AAK1: variants seen among roughly 807,000 people sequenced by gnomAD.
AAK1 encodes the protein AP2-associated protein kinase 1.
AAK1 carries 37 observed loss-of-function variants against 116.0 expected under a neutral mutation model. The observed-to-expected ratio is 0.32, with a 90% CI of 0.25 to 0.42. AAK1 has a LOEUF of 0.42. Among genes scored for constraint, AAK1 ranks in the 10% least tolerant of loss-of-function variants. The pLI is 1.00. For missense variants in AAK1, 919 were observed against 1,170.6 expected (o/e 0.79, Z 3.14); for synonymous variants, 458 against 439.9 (o/e 1.04, Z -0.51).
At chr2:69,566,734 T>G (rs1671886123) in intron 2 of AAK1, among the ~76,000 whole-genome samples, 1 of 152,090 alleles carries the variant, frequency 6.6e-6, no homozygotes, top group South Asian at 2.1e-4. Context: ...CCAGGAAAAA[T>G]ACTTGCCTGG....
rs1675825011 is a variant in AAK1 at position 69,643,181 on chromosome 2, G to A, written c.-141C>T. The A allele has an allele frequency of 8.4e-6, 12 of 1,434,182 alleles. No homozygotes were observed. The South Asian group carries it at 1.7e-4, about 20-fold the overall frequency. 88.8% of individuals were successfully genotyped at this position (1,434,182 alleles called of 1,614,324 possible). On this transcript the variant is annotated 5_prime_UTR_variant, in exon 2 of 22. Transcript: ENST00000409085. Reference sequence around the variant, plus strand: ...GAGCCACCCGAATCCGGCCGTGGGGGTGGGGGCTGAGGGAGGATGCCTATA... The same window carrying A: ...GAGCCACCCGAATCCGGCCGTGGGGATGGGGGCTGAGGGAGGATGCCTATA...
At chr2:69,633,037 A>T (rs1573028342) in intron 2 of AAK1, among the ~76,000 whole-genome samples, 2 of 150,564 alleles carry the variant, frequency 1.3e-5, no homozygotes, top group East Asian at 3.9e-4. Flanking sequence ...CGTCTCAATA[A>T]AAAAAATAAA....
intron 5 of AAK1, among the ~76,000 whole-genome samples, chr2:69,542,184 C>T (rs1269667715): frequency 2.6e-5 from 4 of 152,080 alleles, no homozygotes; most frequent in Non-Finnish European, 4.4e-5. Context: ...TGAAATAAGA[C>T]TTTAAAAACC....
rs1674550578 is a variant in AAK1, at chr2:69,468,155, T to C, written c.*7714A>G. 1.0e-6 allele frequency: 1 copy of C among 985,374 alleles called. No homozygotes were observed. Among genetic ancestry groups the C allele is most frequent in the African/African-American group, 1.7e-5 (1 of 57,374 alleles). 61.0% of individuals were successfully genotyped at this position (985,374 alleles called of 1,614,324 possible). Reference sequence around the variant, plus strand: ...TTTTCCTTGTATTATAATTTTAGTATGTGCAGCTACATGGTGATACGAAAG... The same window carrying C: ...TTTTCCTTGTATTATAATTTTAGTACGTGCAGCTACATGGTGATACGAAAG... On this transcript the variant is annotated 3_prime_UTR_variant, in exon 22 of 22. Transcript: ENST00000409085.
At chr2:69,605,665 C>T (rs1194438690) in intron 2 of AAK1, among the ~76,000 whole-genome samples, 2 of 152,172 alleles carry the variant, frequency 1.3e-5, no homozygotes, top group South Asian at 2.1e-4. Flanking sequence ...TTTACATGCA[C>T]TCATATGTAT....
Position 69,470,109 on chromosome 2 carries a change from G to A in AAK1, c.*5760C>T. 1 of 985,436 alleles carries A rather than the reference G, an allele frequency of 1.0e-6. No individual in the cohort carries two copies. Among genetic ancestry groups the A allele is most frequent in the Non-Finnish European group, 1.2e-6 (1 of 829,942 alleles). 61.0% of individuals were successfully genotyped at this position (985,436 alleles called of 1,614,324 possible). A position where few individuals can be genotyped will look rare whatever the true frequency, so the allele number is the denominator to read the frequency against. ...AGAATTAAAATCTGAAGACTTAAAT[G>A]TCAGGCTGGATATTCCTTAATGAAA... On this transcript the variant is annotated 3_prime_UTR_variant, in exon 22 of 22. Transcript: ENST00000409085.
intron 2 of AAK1, among the ~76,000 whole-genome samples, chr2:69,632,590 TTTG>T (rs143821398): frequency 0.12 from 17,742 of 152,176 alleles, 2,321 homozygotes; most frequent in African/African-American, 0.31. Flanking sequence ...AATTTTCAAA[TTTG>T]TTTTCTTAGA....
intron 9 of AAK1, among the ~76,000 whole-genome samples, chr2:69,526,337 AC>A (rs1162491949): frequency 6.6e-6 from 1 of 152,350 alleles, no homozygotes; most frequent in African/African-American, 2.4e-5. Context: ...GAGGAGCAGC[AC>A]CCTTAAGTCC....
At chr2:69,534,278 C>T (rs1399515622) in intron 5 of AAK1, among the ~76,000 whole-genome samples, 1 of 152,170 alleles carries the variant, frequency 6.6e-6, no homozygotes, top group African/African-American at 2.4e-5. Flanking sequence ...TAAACAACCT[C>T]ACTCTAGAAA....
At chr2:69,587,594 T>C (rs1348910699) in intron 2 of AAK1, among the ~76,000 whole-genome samples, 2 of 151,904 alleles carry the variant, frequency 1.3e-5, no homozygotes, top group African/African-American at 4.8e-5. Context: ...GCCTCCCAAG[T>C]AGCTGGTATT....
chr2:69,547,415 CAACA>C, intron 3 of AAK1, among the ~76,000 whole-genome samples: 1 of 152,038 alleles, frequency 6.6e-6, no homozygotes, highest in African/African-American at 2.4e-5. Flanking sequence ...AACTCAACAA[CAACA>C]AAAAAGACAA....
At chr2:69,505,509 A>G (rs1676149442) in intron 16 of AAK1, 60 bp downstream of exon 16, 4 of 1,386,702 alleles carry the variant, frequency 2.9e-6, no homozygotes, top group South Asian at 2.4e-5. Context: ...TCTGTGGAGT[A>G]AAAAACAGTG....
chr2:69,547,867 T>G (rs1377416556), intron 3 of AAK1, among the ~76,000 whole-genome samples: 2 of 152,080 alleles, frequency 1.3e-5, no homozygotes, highest in Non-Finnish European at 2.9e-5. Context: ...ATAAATAAAA[T>G]GTGGTACATT....
At chr2:69,557,085 C>T in intron 2 of AAK1, 107 bp from the exon 3 acceptor site, 1 of 742,804 alleles carries the variant, frequency 1.3e-6, no homozygotes, top group South Asian at 1.6e-5. Context: ...GTACTAATGC[C>T]ACTGCCAGCC....
chr2:69,577,467 TGAA>T (rs1672360285), intron 2 of AAK1, among the ~76,000 whole-genome samples: 1 of 152,100 alleles, frequency 6.6e-6, no homozygotes, highest in Non-Finnish European at 1.5e-5. Flanking sequence ...TCCCCTGCTG[TGAA>T]GAAGAAATGG....
At chr2:69,610,247 T>C (rs1014338445) in intron 2 of AAK1, among the ~76,000 whole-genome samples, 5 of 152,040 alleles carry the variant, frequency 3.3e-5, no homozygotes, top group African/African-American at 1.2e-4. Flanking sequence ...CCAAGACCAT[T>C]CAAGGGGGAA....
In AAK1 at chr2:69,643,159, C is replaced by A; in HGVS notation, c.-119G>T. ...TCTCAGATTTCACCTCGGAGAGGAG[C>A]CACCCGAATCCGGCCGTGGGGGTGG... On this transcript the variant is annotated 5_prime_UTR_variant, in exon 2 of 22. Transcript: ENST00000409085. 7.0e-7 allele frequency: 1 copy of A among 1,430,590 alleles called. No individual in the cohort carries two copies. Among genetic ancestry groups the A allele is most frequent in the Non-Finnish European group, 9.1e-7 (1 of 1,102,576 alleles). 88.6% of individuals were successfully genotyped at this position (1,430,590 alleles called of 1,614,324 possible). A position where few individuals can be genotyped will look rare whatever the true frequency, so the allele number is the denominator to read the frequency against.
At position 69,468,520 on chromosome 2, in the gene AAK1, G is replaced by A. The variant is rs1674565827; in HGVS notation, c.*7349C>T. On this transcript the variant is annotated 3_prime_UTR_variant, in exon 22 of 22. Transcript: ENST00000409085. Reference sequence around the variant, plus strand: ...AAGTTGATGTTATTAAGCTTGTTCTGCAGGAGAGCAAAATATCTCTTAGGG... The same window carrying A: ...AAGTTGATGTTATTAAGCTTGTTCTACAGGAGAGCAAAATATCTCTTAGGG... The A allele has an allele frequency of 1.0e-6, 1 of 985,306 alleles. No individual in the cohort carries two copies. Among genetic ancestry groups the A allele is most frequent in the African/African-American group, 1.7e-5 (1 of 57,314 alleles). The allele number at this position is 985,306 out of a possible 1,614,324, so 61.0% of individuals were successfully genotyped here. A position where few individuals can be genotyped will look rare whatever the true frequency, so the allele number is the denominator to read the frequency against.
chr2:69,570,643 G>A (rs1672057274), intron 2 of AAK1, among the ~76,000 whole-genome samples: 1 of 152,108 alleles, frequency 6.6e-6, no homozygotes, highest in South Asian at 2.1e-4. Context: ...AGCAAGGAGA[G>A]CTTCTTATTT....
Sources: allele counts gnomAD v4.1 joint callset (sites outside exome capture counted in the v4.1 genomes callset), GRCh38; gene constraint gnomAD v4.1.1; transcripts MANE v1.5; gene names NCBI Gene and HGNC (gene_info 2026-07-23, HGNC 2026-07-21).